The following SDAD1 variants were observed in gnomAD, a reference collection of about 807,000 sequenced individuals.
The protein encoded by SDAD1 is protein SDA1 homolog.
Under a neutral mutation model 100.3 loss-of-function variants are expected in SDAD1, and 79 were observed. The ratio of observed to expected loss-of-function variants is 0.79; its 90% CI spans 0.66 to 0.95. The LOEUF is 0.95. Among genes scored for constraint, SDAD1 ranks in the 40% least tolerant of loss-of-function variants. The probability of loss-of-function intolerance (pLI) is 0.00; values close to 1 mark genes in which losing one functional copy is unlikely to be tolerated. For missense variants in SDAD1, 790 were observed against 810.9 expected (o/e 0.97, Z 0.31); for synonymous variants, 267 against 271.4 (o/e 0.98, Z 0.16).
At chr4:75,978,672 A>T (rs1218982598) in intron 3 of SDAD1, among the ~76,000 whole-genome samples, 1 of 152,102 alleles carries the variant, frequency 6.6e-6, no homozygotes, top group African/African-American at 2.4e-5. Context: ...GAATTCAAGG[A>T]TGCTTTCAAA....
chr4:75,969,422 A>C (rs772226394), intron 10 of SDAD1, 23 bp from the exon 11 acceptor site: 1 of 1,526,628 alleles, frequency 6.6e-7, no homozygotes, highest in Non-Finnish European at 9.1e-7. Flanking sequence ...GGATGAAAGA[A>C]GTACATTGTG....
chr4:75,973,682 G>A (rs753123456), intron 7 of SDAD1, among the ~76,000 whole-genome samples: 10 of 152,068 alleles, frequency 6.6e-5, no homozygotes, highest in Non-Finnish European at 1.5e-4. Flanking sequence ...TCTTCTAACA[G>A]ACAAAAGTCA....
At chr4:75,987,631 A>G (rs1234492579) in intron 1 of SDAD1, among the ~76,000 whole-genome samples, 1 of 152,088 alleles carries the variant, frequency 6.6e-6, no homozygotes, top group Admixed American at 6.6e-5. Flanking sequence ...CCTCTGGAGT[A>G]GCTGGGATCA....
chr4:75,978,980 C>CA (rs1730320239), intron 3 of SDAD1, among the ~76,000 whole-genome samples: 1 of 11,150 alleles, frequency 9.0e-5, no homozygotes, highest in Non-Finnish European at 1.4e-4. Context: ...GACCCTGTCT[C>CA]AGAAAAAAAA....
At chr4:75,982,957 C>A (rs2149330330) in intron 1 of SDAD1, among the ~76,000 whole-genome samples, 1 of 152,148 alleles carries the variant, frequency 6.6e-6, no homozygotes, top group Middle Eastern at 3.4e-3. Context: ...CCCCCCACCC[C>A]AACAGGCCCC....
At chr4:75,962,280 T>G (rs561888060) in intron 14 of SDAD1, among the ~76,000 whole-genome samples, 1 of 152,248 alleles carries the variant, frequency 6.6e-6, no homozygotes, top group African/African-American at 2.4e-5. Flanking sequence ...TGCCACATTT[T>G]CTTAATCCAG....
chr4:75,953,893 C>T (rs1468647160), intron 21 of SDAD1, among the ~76,000 whole-genome samples: 2 of 152,162 alleles, frequency 1.3e-5, no homozygotes, highest in Non-Finnish European at 2.9e-5. Context: ...AATAAATGAG[C>T]TGCCTAAGTA....
intron 16 of SDAD1, 54 bp downstream of exon 16, chr4:75,960,971 TTTC>T: frequency 7.1e-7 from 1 of 1,411,910 alleles, no homozygotes; most frequent in Non-Finnish European, 1.0e-6. Flanking sequence ...TTGTAGGAAA[TTTC>T]TCTCAGTTTG....
rs17001277 is a variant in SDAD1 at position 75,956,182 on chromosome 4, T to C, written c.1855-46A>G. 3,022 of 1,556,874 alleles carry C rather than the reference T, an allele frequency of 1.9e-3. 50 individuals are homozygous for C. The African/African-American group carries it at 0.037, about 19-fold the overall frequency. On this transcript the variant is annotated intron_variant, in intron 20 of 21. Transcript: ENST00000356260. ...ATATTTCTTCTTCAACAACATACTT[T>C]AGGAGTCATCTAATCAACATTAATG... is the stretch of plus-strand genomic sequence containing the variant.
In SDAD1 at chr4:75,965,755, G is replaced by T; in HGVS notation, c.1104+9C>A. The T allele has an allele frequency of 6.2e-7, 1 of 1,612,092 alleles. No homozygotes were observed. Among genetic ancestry groups the T allele is most frequent in the South Asian group, 1.1e-5 (1 of 91,026 alleles). The stretch of plus-strand genomic sequence containing the variant: ...CCCTAGGTCCAGAAGTCAGGTTACA[G>T]GTTCTCACCTCTGGGGGTACTAGGT... On this transcript the variant is annotated intron_variant, in intron 13 of 21. Transcript: ENST00000356260.
intron 1 of SDAD1, among the ~76,000 whole-genome samples, chr4:75,987,575 C>T (rs1730979377): frequency 6.6e-6 from 1 of 152,040 alleles, no homozygotes. Flanking sequence ...GATCTCGGCT[C>T]ACTGCAACCT....
chr4:75,961,371 G>C (rs1384738530), intron 14 of SDAD1, 63 bp from the exon 15 acceptor site: 9 of 1,193,332 alleles, frequency 7.5e-6, no homozygotes, highest in East Asian at 7.0e-5. Context: ...ATTCAACACA[G>C]GAAGACTTCC....
intron 18 of SDAD1, 32 bp from the exon 19 acceptor site, chr4:75,957,740 C>G (rs1224845217): frequency 1.9e-6 from 3 of 1,613,150 alleles, no homozygotes; most frequent in Non-Finnish European, 2.5e-6. Flanking sequence ...AAATGGCTAC[C>G]AGCTCAAGTG....
intron 8 of SDAD1, among the ~76,000 whole-genome samples, chr4:75,972,527 T>C (rs4859580): frequency 0.23 from 35,628 of 151,786 alleles, 4,666 homozygotes; most frequent in East Asian, 0.37. Context: ...TTTAGAGAGT[T>C]TCTCTCTTTT....
intron 1 of SDAD1, among the ~76,000 whole-genome samples, chr4:75,988,222 T>A (rs904781733): frequency 2.0e-5 from 3 of 152,206 alleles, no homozygotes; most frequent in Non-Finnish European, 4.4e-5. Context: ...ATAGGGTGGT[T>A]CATGTATTCT....
At chr4:75,989,302 G>T (rs1731091463) in intron 1 of SDAD1, among the ~76,000 whole-genome samples, 1 of 152,140 alleles carries the variant, frequency 6.6e-6, no homozygotes, top group Non-Finnish European at 1.5e-5. Context: ...TCATTGCAGA[G>T]CCACCTTCCC....
rs1025613449 is a variant in SDAD1 at position 75,990,925 on chromosome 4, T to G, written c.-84A>C. Reference sequence around the variant, plus strand: ...CCCGCAATCCCTGCCAGCTGCAGCTTGGACTCGTGTTTCCGGGTATGACCG... The same window carrying G: ...CCCGCAATCCCTGCCAGCTGCAGCTGGGACTCGTGTTTCCGGGTATGACCG... On this transcript the variant is annotated 5_prime_UTR_variant, in exon 1 of 22. Transcript: ENST00000356260. The G allele has an allele frequency of 3.3e-6, 5 of 1,537,116 alleles. No homozygotes were observed. In the Admixed American group the frequency reaches 5.1e-5, roughly 16 times the overall value.
intron 12 of SDAD1, among the ~76,000 whole-genome samples, chr4:75,967,067 G>A (rs1729587446): frequency 6.6e-6 from 1 of 152,134 alleles, no homozygotes; most frequent in Non-Finnish European, 1.5e-5. Context: ...GTGCCCGGCA[G>A]TTGTTGTTGT....
rs372072498 is a variant in SDAD1, at chr4:75,957,570, C to T, written c.1717G>A (p.Gly573Arg). The stretch of plus-strand genomic sequence containing the variant: ...ATGTATTTCCTCTTCTGGGATTTCC[C>T]GGGGGCAGCATCAAGTTCTTTTCTC... ...QMRKELDAAPGKSQKRKYIEI... is the reference protein window; with the variant it reads ...QMRKELDAAPRKSQKRKYIEI... The change falls in exon 19 of 22, where the codon GGG becomes AGG. Residue 573 changes from glycine (G) to arginine (R), a missense_variant. Coordinates refer to ENST00000356260, the MANE Select transcript of SDAD1 (RefSeq NM_018115.4). 1.8e-4 allele frequency: 297 copies of T among 1,614,074 alleles called. No individual in the cohort carries two copies. Among genetic ancestry groups the T allele is most frequent in the South Asian group, 3.3e-4 (30 of 91,086 alleles).
Sources: gnomAD v4.1 joint callset for allele counts (sites outside exome capture counted in the v4.1 genomes callset) on GRCh38, gnomAD v4.1.1 for gene constraint, MANE v1.5 for transcripts, NCBI Gene and HGNC (gene_info 2026-07-23, HGNC 2026-07-21) for gene names.